The following MAST2 variants were observed in gnomAD, a reference collection of about 807,000 sequenced individuals.
MAST2 encodes microtubule-associated serine/threonine-protein kinase 2.
A neutral mutation model predicts 147.4 loss-of-function variants in MAST2; 70 were observed. That is an observed-to-expected ratio of 0.47 (90% CI 0.39 to 0.58). MAST2 has a LOEUF of 0.58. Among genes scored for constraint, MAST2 ranks in the 20% least tolerant of loss-of-function variants. MAST2 has a pLI of 0.00. For synonymous variants in MAST2, 869 were observed against 896.8 expected, an observed-to-expected ratio of 0.97 and a Z score of 0.55; for missense variants, 2,080 against 2,302.3, an observed-to-expected ratio of 0.90 and a Z score of 1.98.
At chr1:45,970,439 C>T (rs1316919670) in intron 5 of MAST2, among the ~76,000 whole-genome samples, 4 of 151,920 alleles carry the variant, frequency 2.6e-5, no homozygotes, top group African/African-American at 7.3e-5. Flanking sequence ...CCAAGGCAGG[C>T]GGATCACGAG....
chr1:45,960,934 C>G (rs969918533), intron 5 of MAST2, among the ~76,000 whole-genome samples: 1 of 152,202 alleles, frequency 6.6e-6, no homozygotes, highest in Non-Finnish European at 1.5e-5. Context: ...TCCTTGCTCA[C>G]AGTTTACTGT....
At chr1:45,847,805 C>A (rs1312638507) in intron 3 of MAST2, among the ~76,000 whole-genome samples, 1 of 152,154 alleles carries the variant, frequency 6.6e-6, no homozygotes, top group African/African-American at 2.4e-5. Context: ...CTCCCCGCCT[C>A]AGCTTCCCAA....
chr1:45,942,626 G>A (rs1008735532), intron 4 of MAST2, among the ~76,000 whole-genome samples: 1 of 152,180 alleles, frequency 6.6e-6, no homozygotes, highest in African/African-American at 2.4e-5. Flanking sequence ...GATTAATTGT[G>A]AAGTAACTAG....
chr1:45,889,772 A>AT lies in MAST2; in HGVS notation c.500+7389dup, dbSNP rs374925761. Among the ~76,000 whole-genome samples the AT allele has an allele frequency of 6.3e-3, 913 of 145,912 alleles. 10 individuals carry two copies. Among genetic ancestry groups the AT allele is most frequent in the African/African-American group, 0.022 (859 of 39,874 alleles). ...AGGTGCACGCCATGACACCCAGCTA[A>AT]TTTTTTTTTTTTATTTTTAGTAGAG... On this transcript the variant is annotated intron_variant, in intron 4 of 28. Coordinates refer to ENST00000361297, the MANE Select transcript of MAST2 (RefSeq NM_015112.3).
chr1:45,958,040 G>A (rs1450402729), intron 4 of MAST2, among the ~76,000 whole-genome samples: 6 of 152,178 alleles, frequency 3.9e-5, no homozygotes, highest in Non-Finnish European at 8.8e-5. Context: ...AGGAGGCAAA[G>A]TATAAGCTTT....
chr1:45,937,897 A>G (rs1246546425), intron 4 of MAST2, among the ~76,000 whole-genome samples: 1 of 152,032 alleles, frequency 6.6e-6, no homozygotes, highest in Non-Finnish European at 1.5e-5. Flanking sequence ...AATTTATATA[A>G]TTATGTATTG....
rs368958391 is a variant in MAST2 at position 46,034,240 on chromosome 1, G to A, written c.3842G>A (p.Arg1281Gln). 15 of 1,613,616 alleles carry A rather than the reference G, an allele frequency of 9.3e-6. No homozygotes were observed. Among genetic ancestry groups the A allele is most frequent in the African/African-American group, 6.7e-5 (5 of 74,880 alleles). ...LSPRSPTQGY[R>Q]VTPDAVHSVG... ...CCCCGATCTCCCACTCAAGGCTACC[G>A]GGTGACCCCCGATGCTGTGCATTCA... is the stretch of plus-strand genomic sequence containing the variant. The change falls in exon 28 of 29, where the codon CGG (arginine) becomes CAG (glutamine). Residue 1281 changes from arginine to glutamine, a missense_variant. Transcript: ENST00000361297.
intron 3 of MAST2, among the ~76,000 whole-genome samples, chr1:45,849,536 T>C (rs1369417218): frequency 2.0e-5 from 3 of 151,796 alleles, no homozygotes; most frequent in Non-Finnish European, 4.4e-5. Context: ...TTTTCTTTTT[T>C]TTTTTTTTGA....
At chr1:45,902,158 C>T (rs1320587961) in intron 4 of MAST2, among the ~76,000 whole-genome samples, 3 of 152,166 alleles carry the variant, frequency 2.0e-5, no homozygotes, top group African/African-American at 7.2e-5. Flanking sequence ...TGTCTTCCTT[C>T]AATGCCTAAT....
chr1:45,958,552 C>T (rs369876441), intron 4 of MAST2, among the ~76,000 whole-genome samples: 1 of 151,384 alleles, frequency 6.6e-6, no homozygotes, highest in African/African-American at 2.4e-5. Context: ...CCCTCTCCCC[C>T]TCTCCCTCTC....
chr1:45,947,951 C>T (rs1490489255), intron 4 of MAST2, among the ~76,000 whole-genome samples: 1 of 152,166 alleles, frequency 6.6e-6, no homozygotes, highest in Non-Finnish European at 1.5e-5. Flanking sequence ...TTGCTGACCT[C>T]GTGATCCACC....
At chr1:45,808,491 G>T (rs1570147944) in intron 1 of MAST2, among the ~76,000 whole-genome samples, 1 of 152,184 alleles carries the variant, frequency 6.6e-6, no homozygotes, top group East Asian at 1.9e-4. Flanking sequence ...TTACAGGCGT[G>T]AGCCACCGTG....
chr1:45,841,634 G>T (rs1645280619), intron 3 of MAST2, among the ~76,000 whole-genome samples: 1 of 152,166 alleles, frequency 6.6e-6, no homozygotes, highest in Non-Finnish European at 1.5e-5. Flanking sequence ...GAACCCGGCA[G>T]TGGAGAGTGG....
intron 15 of MAST2, 88 bp downstream of exon 15, chr1:46,024,068 T>TC: frequency 7.5e-7 from 1 of 1,336,680 alleles, no homozygotes; most frequent in Non-Finnish European, 1.1e-6. Context: ...TGTACAGAGG[T>TC]GAAGTTTCAG....
At chr1:46,011,910 A>G (rs1376741634) in intron 10 of MAST2, among the ~76,000 whole-genome samples, 2 of 152,266 alleles carry the variant, frequency 1.3e-5, no homozygotes, top group Non-Finnish European at 2.9e-5. Context: ...AGTTTCTCAC[A>G]TATAAAAGAG....
chr1:45,876,012 C>T (rs780006771), intron 3 of MAST2, among the ~76,000 whole-genome samples: 2 of 151,918 alleles, frequency 1.3e-5, no homozygotes, highest in Non-Finnish European at 2.9e-5. Flanking sequence ...GGTGTGTTTG[C>T]GGGGATAAGA....
intron 4 of MAST2, among the ~76,000 whole-genome samples, chr1:45,908,449 TTAACTG>T (rs1038989070): frequency 6.6e-6 from 1 of 152,212 alleles, no homozygotes; most frequent in African/African-American, 2.4e-5. Context: ...AAGCACTCCT[TTAACTG>T]TATTCCATAA....
chr1:45,829,592 A>G lies in MAST2; in HGVS notation c.468+11A>G, dbSNP rs760218897. The G allele has an allele frequency of 1.5e-5, 24 of 1,605,876 alleles. No homozygotes were observed. Among genetic ancestry groups the G allele is most frequent in the Non-Finnish European group, 2.0e-5 (23 of 1,175,384 alleles). ...CTTACTGCTGGCCTGGTAAGTGTTC[A>G]TAAAGGTGGCATTTTGCTCTATGAA... On this transcript the variant is annotated intron_variant, in intron 3 of 28. Transcript: ENST00000361297.
chr1:45,848,159 T>C (rs1357270818), intron 3 of MAST2, among the ~76,000 whole-genome samples: 1 of 150,136 alleles, frequency 6.7e-6, no homozygotes, highest in African/African-American at 2.5e-5. Context: ...GAGATAGCAA[T>C]GTTAAGAAAT....
Sources: gnomAD v4.1 joint callset for allele counts (sites outside exome capture counted in the v4.1 genomes callset) on GRCh38, gnomAD v4.1.1 for gene constraint, MANE v1.5 for transcripts, NCBI Gene and HGNC (gene_info 2026-07-23, HGNC 2026-07-21) for gene names.